GTF3C1: variants seen among roughly 807,000 people sequenced by gnomAD.
GTF3C1 encodes the protein general transcription factor IIIC subunit 1.
A neutral mutation model predicts 226.7 loss-of-function variants in GTF3C1; 57 were observed. The observed-to-expected ratio is 0.25, with a 90% CI of 0.20 to 0.31. The LOEUF (loss-of-function observed/expected upper bound fraction) is 0.31. Among genes scored for constraint, GTF3C1 ranks in the 10% least tolerant of loss-of-function variants. GTF3C1 has a pLI of 1.00. For missense variants in GTF3C1, 2,217 were observed against 2,776.1 expected (o/e 0.80, Z 4.53); for synonymous variants, 1,090 against 1,084.8 (o/e 1.00, Z -0.09).
At chr16:27,549,632 C>A in intron 1 of GTF3C1, 38 bp downstream of exon 1, 1 of 532,308 alleles carries the variant, frequency 1.9e-6, no homozygotes, top group South Asian at 1.7e-5. Flanking sequence ...GGGCCCTGCG[C>A]CCGCCCGCCC....
chr16:27,491,891 C>T (rs1488884103), intron 19 of GTF3C1, among the ~76,000 whole-genome samples: 1 of 152,192 alleles, frequency 6.6e-6, no homozygotes, highest in Non-Finnish European at 1.5e-5. Context: ...ATGTCTCCTC[C>T]TCAGCAAGGC....
Position 27,465,331 on chromosome 16 carries a change from G to A in GTF3C1, c.5284C>T (p.Leu1762=). The A allele has an allele frequency of 6.2e-7, 1 of 1,614,112 alleles. No individual in the cohort carries two copies. Among genetic ancestry groups the A allele is most frequent in the Admixed American group, 1.7e-5 (1 of 60,016 alleles). The change falls in exon 33 of 37, where the codon CTG becomes TTG. Residue 1762 remains leucine, a synonymous_variant. Transcript: ENST00000356183. ...TGCFGIDKEE[L]RRRFSALEKA... ...TCCAAGGCCGAGAACCGTCTGCGCAGCTCCTCCTTGTCAATCCCAAAACAA... is the reference window on the plus strand; with the variant it reads ...TCCAAGGCCGAGAACCGTCTGCGCAACTCCTCCTTGTCAATCCCAAAACAA...
At chr16:27,548,197 C>T (rs961077184) in intron 1 of GTF3C1, among the ~76,000 whole-genome samples, 1 of 152,230 alleles carries the variant, frequency 6.6e-6, no homozygotes, top group Non-Finnish European at 1.5e-5. Flanking sequence ...TTCACATTTG[C>T]TGTTCTCTGT....
intron 10 of GTF3C1, among the ~76,000 whole-genome samples, chr16:27,504,149 C>A (rs547636947): frequency 1.3e-5 from 2 of 152,342 alleles, no homozygotes; most frequent in East Asian, 1.9e-4. Context: ...AGCCTCCCTG[C>A]AAACAGTTGG....
At chr16:27,538,060 A>G in intron 3 of GTF3C1, 120 bp downstream of exon 3, 1 of 1,279,996 alleles carries the variant, frequency 7.8e-7, no homozygotes, top group Non-Finnish European at 1.1e-6. Context: ...TCACTGTGAG[A>G]CCACGGCCTT....
At chr16:27,503,968 C>A (rs904426905) in intron 10 of GTF3C1, among the ~76,000 whole-genome samples, 2 of 152,128 alleles carry the variant, frequency 1.3e-5, no homozygotes, top group African/African-American at 4.8e-5. Flanking sequence ...AGACACAGTT[C>A]TTTGCTGAAG....
chr16:27,538,065 G>C (rs1040317356), intron 3 of GTF3C1, 115 bp downstream of exon 3: 1 of 1,268,032 alleles, frequency 7.9e-7, no homozygotes. Context: ...GTGAGACCAC[G>C]GCCTTGAAAC....
chr16:27,536,973 C>G (rs183301612), intron 4 of GTF3C1, among the ~76,000 whole-genome samples: 2 of 152,316 alleles, frequency 1.3e-5, no homozygotes, highest in Admixed American at 6.5e-5. Flanking sequence ...GTCAGAGAAC[C>G]TACTCACTCC....
Position 27,528,790 on chromosome 16 carries a change from T to C in GTF3C1, c.850-69A>G, listed in dbSNP as rs1018657379. ...TGTCTGAAATGACTAGAAAGTCATATAAATGAACACAAGTTCAGGACCTGA... is the reference window on the plus strand; with the variant it reads ...TGTCTGAAATGACTAGAAAGTCATACAAATGAACACAAGTTCAGGACCTGA... On this transcript the variant is annotated intron_variant, in intron 5 of 36. Transcript: ENST00000356183. 2.8e-5 allele frequency: 40 copies of C among 1,419,962 alleles called. No individual in the cohort carries two copies. The African/African-American group carries it at 4.2e-4, about 15-fold the overall frequency. The allele number at this position is 1,419,962 out of a possible 1,614,324, so 88.0% of individuals were successfully genotyped here. A position where few individuals can be genotyped will look rare whatever the true frequency, so the allele number is the denominator to read the frequency against.
intron 27 of GTF3C1, chr16:27,480,645 A>G (rs1181387108): frequency 6.3e-6 from 1 of 159,212 alleles, no homozygotes. Context: ...GGCCTAGTTC[A>G]CAGAACTTAA....
chr16:27,498,674 G>A lies in GTF3C1; in HGVS notation c.2121C>T (p.Ile707=), dbSNP rs139483990. 3.3e-5 allele frequency: 53 copies of A among 1,607,174 alleles called. No homozygotes were observed. Among genetic ancestry groups the A allele is most frequent in the Admixed American group, 6.7e-5 (4 of 60,002 alleles). ...TGGAGATCCGGAAGCGGACCTGCTC[G>A]ATGGCACTTCTCACTAGAGGGTCGT... ...DQNDPLVRSA[I]EQVRFRISNS... is the part of the protein sequence containing the mutation. The change falls in exon 13 of 37, where the codon ATC becomes ATT. Residue 707 remains isoleucine, a synonymous_variant. Transcript: ENST00000356183.
chr16:27,503,974 TG>T (rs1449481031), intron 10 of GTF3C1, among the ~76,000 whole-genome samples: 1 of 152,036 alleles, frequency 6.6e-6, no homozygotes, highest in Non-Finnish European at 1.5e-5. Context: ...AGTTCTTTGC[TG>T]AAGGGGGAAA....
At chr16:27,489,421 A>G (rs898599498) in intron 20 of GTF3C1, among the ~76,000 whole-genome samples, 181 bp downstream of exon 20, 4 of 152,272 alleles carry the variant, frequency 2.6e-5, no homozygotes, top group African/African-American at 7.2e-5. Flanking sequence ...AACCGATTAC[A>G]TTTTTAAAAA....
In GTF3C1 at chr16:27,488,346, T is replaced by C. The variant is rs1199476403; in HGVS notation, c.3581A>G (p.Gln1194Arg). ...CGAGGGCTCTCGGTCCACCTCAAAC[T>C]GCTCTTCCCAGCCAGCACAGAGCTC... Reference protein sequence around the residue: ...GSELCAGWEEQFEVDREPSLD... With the variant: ...GSELCAGWEERFEVDREPSLD... Residue 1194 changes from glutamine to arginine, a missense_variant, in exon 23 of 37, where the codon CAG becomes CGG. By Grantham distance (43) the Gln-to-Arg change is conservative. This residue lies in a region of GTF3C1 where 546 missense variants were observed against 663.0 expected (regional missense o/e 0.82). Coordinates refer to ENST00000356183, the MANE Select transcript of GTF3C1 (RefSeq NM_001520.4). 1.2e-6 allele frequency: 2 copies of C among 1,613,884 alleles called. No homozygotes were observed. The highest frequency in any genetic ancestry group is 1.7e-6 in the Non-Finnish European group (2 of 1,179,710).
At position 27,484,412 on chromosome 16, in the gene GTF3C1, G is replaced by A. The variant is rs1485578819; in HGVS notation, c.3859-59C>T. ...GTATCCTCAGAGACGACATCATGGG[G>A]AATTACCATAAAAAAGTGGACAAAA... On this transcript the variant is annotated intron_variant, in intron 24 of 36. Coordinates refer to ENST00000356183, the MANE Select transcript of GTF3C1 (RefSeq NM_001520.4). The A allele has an allele frequency of 2.4e-6, 3 of 1,248,698 alleles. No homozygotes were observed. The East Asian group carries it at 7.0e-5, about 29-fold the overall frequency. The allele number at this position is 1,248,698 out of a possible 1,614,324, so 77.4% of individuals were successfully genotyped here. A position where few individuals can be genotyped will look rare whatever the true frequency, so the allele number is the denominator to read the frequency against.
chr16:27,494,885 T>C lies in GTF3C1; in HGVS notation c.2656A>G (p.Met886Val), dbSNP rs2088292102. The C allele has an allele frequency of 6.2e-7, 1 of 1,613,748 alleles. No individual in the cohort carries two copies. The highest frequency in any genetic ancestry group is 8.5e-7 in the Non-Finnish European group (1 of 1,179,808). The change falls in exon 16 of 37, where the codon ATG becomes GTG. Residue 886 changes from methionine (M) to valine (V), a missense_variant. Around this residue, in one of 12 missense-constraint regions of GTF3C1, gnomAD observed 353 missense variants for 411.7 expected, o/e 0.86. Coordinates refer to ENST00000356183, the MANE Select transcript of GTF3C1 (RefSeq NM_001520.4). ...ETVYVDDASWMRYIPPIPVHR... is the reference protein window; with the variant it reads ...ETVYVDDASWVRYIPPIPVHR... ...ACTGGGATTGGGGGGATGTAGCGCA[T>C]CCACGAGGCATCGTCGACATACACT...
intron 27 of GTF3C1, chr16:27,480,809 G>T: frequency 2.3e-6 from 1 of 427,058 alleles, no homozygotes. Context: ...TTCCTCAAAG[G>T]TAAAGTAAGC....
In GTF3C1 at chr16:27,461,338, C is replaced by A. The variant is rs1233348870; in HGVS notation, c.*12G>T. The A allele has an allele frequency of 3.2e-6, 5 of 1,566,220 alleles. No individual in the cohort carries two copies. Among genetic ancestry groups the A allele is most frequent in the Non-Finnish European group, 4.4e-6 (5 of 1,141,390 alleles). ...GGCGGTGGCTGGGAGGGAGGGGACG[C>A]CCACAGGGGTCCTAGAGGTGGATCC... On this transcript the variant is annotated 3_prime_UTR_variant, in exon 37 of 37. Coordinates refer to ENST00000356183, the MANE Select transcript of GTF3C1 (RefSeq NM_001520.4). This position sits in a 1 kb window ranked among gnomAD's most constrained non-coding sequence, Gnocchi z 5.3.
At chr16:27,546,868 G>C (rs1199596323) in intron 1 of GTF3C1, among the ~76,000 whole-genome samples, 1 of 151,972 alleles carries the variant, frequency 6.6e-6, no homozygotes, top group African/African-American at 2.4e-5. Context: ...CTGGGTTCAA[G>C]CGATTCTCCT....
Sources: gnomAD v4.1 joint callset for allele counts (sites outside exome capture counted in the v4.1 genomes callset) on GRCh38, gnomAD v4.1.1 for gene constraint, gnomAD v4.1.1 regional missense constraint, Gnocchi (gnomAD v3.1) non-coding constraint, MANE v1.5 for transcripts, NCBI Gene and HGNC (gene_info 2026-07-23, HGNC 2026-07-21) for gene names.